Variants in CLEC16A observed in about 807,000 individuals in gnomAD.
CLEC16A encodes the protein C-type lectin domain containing 16A, also known as protein CLEC16A.
CLEC16A carries 51 observed loss-of-function variants against 109.5 expected under a neutral mutation model. That is an observed-to-expected ratio of 0.47 (90% CI 0.37 to 0.59). CLEC16A has a LOEUF of 0.59. CLEC16A is among the 20% of genes least tolerant of loss of function. CLEC16A has a pLI of 0.00. For synonymous variants in CLEC16A, 673 were observed against 564.2 expected, an observed-to-expected ratio of 1.19 and a Z score of -2.73; for missense variants, 1,339 against 1,394.0, an observed-to-expected ratio of 0.96 and a Z score of 0.63.
intron 22 of CLEC16A, among the ~76,000 whole-genome samples, chr16:11,164,634 C>CA (rs943748962): frequency 2.0e-4 from 31 of 152,304 alleles, no homozygotes; most frequent in Admixed American, 9.8e-4. Flanking sequence ...GGTAACCTGG[C>CA]AAAAAAGCCT....
intron 19 of CLEC16A, among the ~76,000 whole-genome samples, chr16:11,100,965 C>A (rs991540466): frequency 6.6e-6 from 1 of 152,138 alleles, no homozygotes; most frequent in African/African-American, 2.4e-5. Flanking sequence ...ACTGTGGCTG[C>A]GTGAGGGCCA....
chr16:11,032,877 T>C (rs1473335184), intron 13 of CLEC16A, among the ~76,000 whole-genome samples: 9 of 152,154 alleles, frequency 5.9e-5, no homozygotes, highest in Non-Finnish European at 1.3e-4. Context: ...TGCCATTTTT[T>C]CTCCAAGTGC....
intron 10 of CLEC16A, among the ~76,000 whole-genome samples, chr16:10,991,709 G>A (rs1163563670): frequency 6.6e-6 from 1 of 152,204 alleles, no homozygotes; most frequent in Non-Finnish European, 1.5e-5. Context: ...TCTCGGTACG[G>A]GAATCAAACA....
intron 20 of CLEC16A, among the ~76,000 whole-genome samples, chr16:11,121,206 C>G (rs187235830): frequency 6.6e-6 from 1 of 152,316 alleles, no homozygotes; most frequent in Non-Finnish European, 1.5e-5. Context: ...GGAGAGCCAG[C>G]CACATTAGTA....
intron 22 of CLEC16A, among the ~76,000 whole-genome samples, chr16:11,148,556 C>G (rs1199515458): frequency 1.3e-5 from 2 of 152,206 alleles, no homozygotes; most frequent in African/African-American, 4.8e-5. Flanking sequence ...GAAATGGAGG[C>G]TCAAGGCTAC....
chr16:11,160,215 C>T (rs763678823), intron 22 of CLEC16A, among the ~76,000 whole-genome samples: 4 of 152,174 alleles, frequency 2.6e-5, no homozygotes, highest in Non-Finnish European at 5.9e-5. Flanking sequence ...AGGCAGGCCA[C>T]AGAGGTCGGG....
chr16:10,959,482 C>T (rs1361570477), intron 2 of CLEC16A, among the ~76,000 whole-genome samples: 2 of 152,168 alleles, frequency 1.3e-5, no homozygotes, highest in Non-Finnish European at 2.9e-5. Context: ...ACCTCTGCCT[C>T]CCAGTTTCAA....
chr16:10,981,534 T>C (rs1157396742), intron 9 of CLEC16A, among the ~76,000 whole-genome samples: 1 of 152,224 alleles, frequency 6.6e-6, no homozygotes, highest in Non-Finnish European at 1.5e-5. Flanking sequence ...TAGAATAATA[T>C]ATTCCCCTTG....
intron 3 of CLEC16A, among the ~76,000 whole-genome samples, chr16:10,963,919 T>C (rs1015472527): frequency 6.6e-6 from 1 of 152,168 alleles, no homozygotes; most frequent in Non-Finnish European, 1.5e-5. Flanking sequence ...GCCCAAATTG[T>C]CCCCAGTGCC....
At chr16:10,951,097 C>T (rs534997938) in intron 1 of CLEC16A, among the ~76,000 whole-genome samples, 1 of 152,296 alleles carries the variant, frequency 6.6e-6, no homozygotes, top group East Asian at 1.9e-4. Context: ...CTTGAGAAAG[C>T]AGAGGCTATT....
chr16:11,109,520 G>A (rs968073339), intron 19 of CLEC16A, among the ~76,000 whole-genome samples: 10 of 152,152 alleles, frequency 6.6e-5, no homozygotes, highest in Admixed American at 2.0e-4. Context: ...CCCCAACTCC[G>A]GTGAAAGCCA....
At chr16:11,163,582 A>G (rs969021573) in intron 22 of CLEC16A, among the ~76,000 whole-genome samples, 1 of 152,218 alleles carries the variant, frequency 6.6e-6, no homozygotes, top group African/African-American at 2.4e-5. Flanking sequence ...GAATTTAAGC[A>G]TCCTGACTGC....
intron 17 of CLEC16A, among the ~76,000 whole-genome samples, chr16:11,049,448 C>G (rs1352278643): frequency 1.3e-5 from 2 of 152,050 alleles, no homozygotes; most frequent in African/African-American, 2.4e-5. Flanking sequence ...TACTTCCTCC[C>G]CCTCCCACCA....
At chr16:11,044,600 G>A (rs1463620125) in intron 16 of CLEC16A, among the ~76,000 whole-genome samples, 1 of 152,106 alleles carries the variant, frequency 6.6e-6, no homozygotes, top group Non-Finnish European at 1.5e-5. Context: ...TGAAAAATTT[G>A]CAGAGCTTTG....
chr16:11,162,899 T>C (rs1217787793), intron 22 of CLEC16A, among the ~76,000 whole-genome samples: 1 of 152,164 alleles, frequency 6.6e-6, no homozygotes, highest in Non-Finnish European at 1.5e-5. Context: ...GTGGAATTGG[T>C]CAGATGGTGT....
chr16:11,078,198 AG>A (rs973899400), intron 19 of CLEC16A, among the ~76,000 whole-genome samples: 6 of 120 alleles, frequency 0.05, no homozygotes, highest in African/African-American at 0.16. Context: ...GGTGGTGCGA[AG>A]GCCCTGTGGT....
At chr16:11,120,567 T>A in intron 19 of CLEC16A, 48 bp from the exon 20 acceptor site, 1 of 1,557,046 alleles carries the variant, frequency 6.4e-7, no homozygotes. Flanking sequence ...TCCATCACCC[T>A]GGGCAGCCAG....
chr16:11,093,368 A>G (rs1037637921), intron 19 of CLEC16A, among the ~76,000 whole-genome samples: 2 of 152,184 alleles, frequency 1.3e-5, no homozygotes, highest in Non-Finnish European at 2.9e-5. Flanking sequence ...GTATGAGTCT[A>G]GGACTCAAAA....
Position 11,047,294 on chromosome 16 carries a change from A to G in CLEC16A, c.1818A>G (p.Gly606=). 6.2e-7 allele frequency: 1 copy of G among 1,609,440 alleles called. No homozygotes were observed. The highest frequency in any genetic ancestry group is 1.1e-5 in the South Asian group (1 of 90,226). ...TCCCTCCCTTCCTTTCTTTTTAGGG[A>G]GAAGACATTTTTTTGGACATGTTTG... ...SVHLVRHFYK[G]EDIFLDMFED... The change falls in exon 17 of 24, where the codon GGA becomes GGG. Residue 606 remains glycine, a splice_region_variant and synonymous_variant. Transcript: ENST00000409790.
Sources: gnomAD v4.1 joint callset for allele counts (sites outside exome capture counted in the v4.1 genomes callset) on GRCh38, gnomAD v4.1.1 for gene constraint, MANE v1.5 for transcripts, NCBI Gene and HGNC (gene_info 2026-07-23, HGNC 2026-07-21) for gene names.